Variants in ABLIM3 observed in about 807,000 individuals in gnomAD.
ABLIM3 encodes the protein actin-binding LIM protein 3.
In ABLIM3, 61 loss-of-function variants were observed where a neutral mutation model predicts 109.5. The observed-to-expected ratio is 0.56, with a 90% confidence interval of 0.45 to 0.69. The LOEUF (loss-of-function observed/expected upper bound fraction) is 0.69. ABLIM3 is among the 30% of genes least tolerant of loss of function. The pLI is 0.00. For synonymous variants in ABLIM3, 300 were observed against 324.8 expected, an observed-to-expected ratio of 0.92 and a Z score of 0.82; for missense variants, 796 against 889.5, an observed-to-expected ratio of 0.89 and a Z score of 1.34.
intron 4 of ABLIM3, among the ~76,000 whole-genome samples, chr5:149,200,066 A>G (rs13328225): frequency 1.6e-4 from 25 of 152,330 alleles, no homozygotes; most frequent in African/African-American, 5.1e-4. Flanking sequence ...TACAGCCTAG[A>G]CAAGTAAGGT....
chr5:149,224,805 G>A (rs1011947000), intron 8 of ABLIM3, among the ~76,000 whole-genome samples: 4 of 152,184 alleles, frequency 2.6e-5, no homozygotes, highest in Admixed American at 1.3e-4. Context: ...AACCTATGAG[G>A]CAGATACTGT....
chr5:149,147,121 G>C (rs541280023), intron 2 of ABLIM3, among the ~76,000 whole-genome samples: 2 of 151,862 alleles, frequency 1.3e-5, no homozygotes, highest in African/African-American at 2.4e-5. Context: ...GTATGTGTGT[G>C]TGTGTGTGTG....
intron 6 of ABLIM3, among the ~76,000 whole-genome samples, chr5:149,208,695 G>T (rs1374673677): frequency 6.6e-6 from 1 of 152,180 alleles, no homozygotes; most frequent in East Asian, 1.9e-4. Flanking sequence ...GCAGCCTCTT[G>T]TGACCCACAG....
chr5:149,147,092 TCGCTTG>T, intron 2 of ABLIM3, among the ~76,000 whole-genome samples: 1 of 151,768 alleles, frequency 6.6e-6, no homozygotes, highest in South Asian at 2.1e-4. Flanking sequence ...TCTCTCTCGC[TCGCTTG>T]CTCGCTCTCT....
chr5:149,240,652 G>A, intron 13 of ABLIM3, 24 bp from the exon 14 acceptor site: 3 of 1,597,024 alleles, frequency 1.9e-6, no homozygotes, highest in Non-Finnish European at 2.6e-6. Context: ...GTTTTCTTTG[G>A]CGACCACTTC....
At chr5:149,234,193 A>C (rs1287328800) in intron 10 of ABLIM3, among the ~76,000 whole-genome samples, 2 of 152,232 alleles carry the variant, frequency 1.3e-5, no homozygotes, top group Non-Finnish European at 2.9e-5. Flanking sequence ...AGTTGGGAGA[A>C]GGCATCCCGA....
chr5:149,245,015 G>T lies in ABLIM3; in HGVS notation c.1486G>T (p.Val496Leu), dbSNP rs758945943. 1 of 1,614,180 alleles carries T rather than the reference G, an allele frequency of 6.2e-7. No individual in the cohort carries two copies. The highest frequency in any genetic ancestry group is 8.5e-7 in the Non-Finnish European group (1 of 1,180,036). The change falls in exon 16 of 24, where the codon GTG becomes TTG. Residue 496 changes from valine (V) to leucine (L), a missense_variant and splice_region_variant. By Grantham distance (32) the Val-to-Leu change is conservative (BLOSUM62 1). Transcript: ENST00000309868. ...CTGGACCTACCATGGGTCCCCCAAA[G>T]GTAGTACCCCCATAGGAGCCTGGGT... ...EYWTYHGSPK[V>L]PRARRFSSGG...
chr5:149,186,846 G>A (rs933162636), intron 3 of ABLIM3, among the ~76,000 whole-genome samples: 13 of 147,360 alleles, frequency 8.8e-5, no homozygotes, highest in Admixed American at 2.0e-4. Context: ...GAAAATATGA[G>A]CAAAAAAAAA....
At chr5:149,209,299 C>A (rs762309866) in intron 6 of ABLIM3, among the ~76,000 whole-genome samples, 1 of 152,182 alleles carries the variant, frequency 6.6e-6, no homozygotes, top group African/African-American at 2.4e-5. Flanking sequence ...TAGCTCTGGG[C>A]CCCTTACCTG....
chr5:149,195,541 C>T (rs1757880444), intron 3 of ABLIM3, among the ~76,000 whole-genome samples: 1 of 152,138 alleles, frequency 6.6e-6, no homozygotes, highest in Non-Finnish European at 1.5e-5. Flanking sequence ...ACTGATTGTT[C>T]CAAGTTTTCC....
chr5:149,237,405 C>T, intron 10 of ABLIM3, 43 bp from the exon 11 acceptor site: 1 of 1,598,392 alleles, frequency 6.3e-7, no homozygotes, highest in East Asian at 2.2e-5. Context: ...CCTTTTCCCT[C>T]TTATCTTTCT....
chr5:149,188,544 A>G (rs560653528), intron 3 of ABLIM3, among the ~76,000 whole-genome samples: 6 of 152,366 alleles, frequency 3.9e-5, no homozygotes, highest in South Asian at 2.1e-4. Context: ...AGACTTATTT[A>G]TTATTAAGAT....
At chr5:149,155,638 CA>C (rs565372966) in intron 2 of ABLIM3, among the ~76,000 whole-genome samples, 93 of 152,308 alleles carry the variant, frequency 6.1e-4, no homozygotes, top group African/African-American at 2.2e-3. Context: ...TGGGCTTACT[CA>C]TTCCTAGGCA....
intron 10 of ABLIM3, among the ~76,000 whole-genome samples, chr5:149,236,815 G>C (rs994950600): frequency 1.5e-4 from 23 of 152,154 alleles, no homozygotes; most frequent in Admixed American, 3.9e-4. Flanking sequence ...TGTGCCTCTG[G>C]TTCCTTATTC....
At chr5:149,208,209 A>G (rs1341523650) in intron 6 of ABLIM3, among the ~76,000 whole-genome samples, 3 of 152,352 alleles carry the variant, frequency 2.0e-5, no homozygotes, top group South Asian at 2.1e-4. Context: ...CTCCAACTCA[A>G]TTAAAAGCAA....
In ABLIM3 at chr5:149,258,472, G is replaced by C; in HGVS notation, c.*68G>C. On this transcript the variant is annotated 3_prime_UTR_variant, in exon 24 of 24. Coordinates refer to ENST00000309868, the MANE Select transcript of ABLIM3 (RefSeq NM_014945.5). ...TGTAAAATCTCTCTACTGAAGCTCG[G>C]TATAATCCTCTCTTGTGTAATGGGA... 1 of 1,512,562 alleles carries C rather than the reference G, an allele frequency of 6.6e-7. No homozygotes were observed. Among genetic ancestry groups the C allele is most frequent in the Non-Finnish European group, 8.8e-7 (1 of 1,136,716 alleles). The allele number at this position is 1,512,562 out of a possible 1,614,324, so 93.7% of individuals were successfully genotyped here. A position where few individuals can be genotyped will look rare whatever the true frequency, so the allele number is the denominator to read the frequency against.
At chr5:149,167,760 A>G (rs150984160) in intron 2 of ABLIM3, among the ~76,000 whole-genome samples, 64 of 152,302 alleles carry the variant, frequency 4.2e-4, no homozygotes, top group African/African-American at 1.3e-3. Flanking sequence ...TAAGCAAATA[A>G]GCACAACTAA....
intron 17 of ABLIM3, among the ~76,000 whole-genome samples, chr5:149,247,345 G>C (rs999073478): frequency 2.0e-5 from 3 of 152,208 alleles, no homozygotes; most frequent in Non-Finnish European, 2.9e-5. Flanking sequence ...TCCTTTGGGG[G>C]AAATAATGGT....
chr5:149,195,083 C>G (rs765433069), intron 3 of ABLIM3, among the ~76,000 whole-genome samples: 1 of 152,176 alleles, frequency 6.6e-6, no homozygotes, highest in Non-Finnish European at 1.5e-5. Flanking sequence ...TTGAAAATCA[C>G]TAAAACTGTA....
Sources: allele counts gnomAD v4.1 joint callset (sites outside exome capture counted in the v4.1 genomes callset), GRCh38; gene constraint gnomAD v4.1.1; transcripts MANE v1.5; gene names NCBI Gene and HGNC (gene_info 2026-07-23, HGNC 2026-07-21).